The following AFG2A variants were observed in gnomAD, a reference collection of about 807,000 sequenced individuals.
The protein encoded by AFG2A is ATPase family gene 2 protein homolog A.
the AFG2A span, among the ~76,000 whole-genome samples, chr4:123,203,833 TAAAC>T: frequency 6.6e-6 from 1 of 152,240 alleles, no homozygotes. Flanking sequence ...GCTGGAAGCT[TAAAC>T]AACACAAATG....
the AFG2A span, among the ~76,000 whole-genome samples, chr4:123,235,224 T>G: frequency 6.6e-6 from 1 of 152,108 alleles, no homozygotes; most frequent in East Asian, 1.9e-4. Context: ...GGGAAGAAAA[T>G]TTAGAAACAT....
the AFG2A span, among the ~76,000 whole-genome samples, chr4:122,937,604 A>C: frequency 6.6e-6 from 1 of 152,238 alleles, no homozygotes; most frequent in African/African-American, 2.4e-5. Context: ...AACTAGTGGT[A>C]CACCTTATTG....
the AFG2A span, among the ~76,000 whole-genome samples, chr4:123,288,282 G>A: frequency 6.6e-6 from 1 of 152,118 alleles, no homozygotes; most frequent in Non-Finnish European, 1.5e-5. Context: ...AGACAAGGAA[G>A]GGACTAGATT....
the AFG2A span, among the ~76,000 whole-genome samples, chr4:123,039,197 A>G: frequency 5.6e-4 from 86 of 152,282 alleles, no homozygotes; most frequent in African/African-American, 2.1e-3. Context: ...GTATATATAC[A>G]TTCAGTTACA....
At chr4:123,203,501 C>T in the AFG2A span, among the ~76,000 whole-genome samples, 1 of 152,202 alleles carries the variant, frequency 6.6e-6, no homozygotes, top group Non-Finnish European at 1.5e-5. Context: ...TGGTCTTGAA[C>T]TCCTGACCTC....
the AFG2A span, among the ~76,000 whole-genome samples, chr4:123,006,511 A>G: frequency 3.3e-5 from 5 of 152,104 alleles, no homozygotes; most frequent in African/African-American, 7.2e-5. Context: ...CTCAAATTAC[A>G]CACATATATA....
the AFG2A span, among the ~76,000 whole-genome samples, chr4:123,124,976 C>G: frequency 7.2e-5 from 11 of 152,166 alleles, no homozygotes; most frequent in Non-Finnish European, 1.3e-4. Context: ...TATTACTTTT[C>G]CATGAGTTCT....
chr4:122,990,586 A>ATT, the AFG2A span, among the ~76,000 whole-genome samples: 2 of 148,302 alleles, frequency 1.3e-5, no homozygotes, highest in Non-Finnish European at 3.0e-5. Context: ...TTTGTTTTCA[A>ATT]TTTTTTTTTT....
the AFG2A span, among the ~76,000 whole-genome samples, chr4:123,094,642 C>T: frequency 6.6e-6 from 1 of 151,834 alleles, no homozygotes; most frequent in Non-Finnish European, 1.5e-5. Flanking sequence ...GTTACAGGAG[C>T]TGACAAAAAA....
chr4:123,068,421 A>G, the AFG2A span, among the ~76,000 whole-genome samples: 2 of 152,204 alleles, frequency 1.3e-5, no homozygotes, highest in Non-Finnish European at 2.9e-5. Context: ...GTTTCATCCT[A>G]CAACAAAGAG....
the AFG2A span, among the ~76,000 whole-genome samples, chr4:123,260,994 G>A: frequency 5.2e-3 from 798 of 152,264 alleles, 7 homozygotes; most frequent in African/African-American, 0.018. Context: ...ATAGGAGCAC[G>A]AACCCTATTG....
chr4:123,126,719 A>G, the AFG2A span, among the ~76,000 whole-genome samples: 18 of 152,222 alleles, frequency 1.2e-4, no homozygotes, highest in African/African-American at 3.9e-4. Context: ...GTGTTTGCTT[A>G]CTTTTCCACA....
At chr4:123,150,149 C>A in the AFG2A span, among the ~76,000 whole-genome samples, 22 of 152,200 alleles carry the variant, frequency 1.4e-4, no homozygotes, top group South Asian at 3.9e-3. Context: ...CTATTCATGA[C>A]AAACCCACAG....
the AFG2A span, among the ~76,000 whole-genome samples, chr4:123,196,167 A>ATTTTTTTTTTTTTTTTTTTTTT: frequency 2.5e-5 from 2 of 79,674 alleles, no homozygotes; most frequent in African/African-American, 9.2e-5. Flanking sequence ...TGCCCAGCTA[A>ATTTTTTTTTTTTTTTTTTTTTT]TTTTTTTTTT....
chr4:122,978,790 T>C, the AFG2A span, among the ~76,000 whole-genome samples: 16 of 152,228 alleles, frequency 1.1e-4, no homozygotes, highest in Non-Finnish European at 2.4e-4. Context: ...CAGTGCCACC[T>C]TGAGCACATG....
chr4:123,032,015 G>A, the AFG2A span, among the ~76,000 whole-genome samples: 598 of 152,288 alleles, frequency 3.9e-3, 2 homozygotes, highest in African/African-American at 0.013. Context: ...TCTTGCTTTT[G>A]TCTGGAGTGC....
chr4:123,089,029 A>G, the AFG2A span, among the ~76,000 whole-genome samples: 1 of 152,190 alleles, frequency 6.6e-6, no homozygotes, highest in African/African-American at 2.4e-5. Flanking sequence ...AACAGTTCTC[A>G]TTGACTTTGC....
chr4:123,256,927 T>C, the AFG2A span: 1 of 799,536 alleles, frequency 1.3e-6, no homozygotes, highest in African/African-American at 1.9e-5. Context: ...ACTATGTACC[T>C]CGACACAGAA....
chr4:123,294,141 G>T, the AFG2A span, among the ~76,000 whole-genome samples: 2 of 152,214 alleles, frequency 1.3e-5, no homozygotes, highest in African/African-American at 4.8e-5. Context: ...GCTTCAGAGG[G>T]GAGTGATGTT....
Sources: allele counts gnomAD v4.1 joint callset (sites outside exome capture counted in the v4.1 genomes callset), GRCh38; gene constraint gnomAD v4.1.1; transcripts MANE v1.5; gene names NCBI Gene and HGNC (gene_info 2026-07-23, HGNC 2026-07-21).